The following COMMD5 variants were observed in gnomAD, a reference collection of about 807,000 sequenced individuals.
The protein encoded by COMMD5 is COMM domain containing 5.
COMMD5 carries 10 observed loss-of-function variants against 6.9 expected under a neutral mutation model. The observed-to-expected ratio is 1.44, with a 90% CI of 0.89 to 2.45. The LOEUF is 2.45. COMMD5 is among the 30% of genes most tolerant of loss of function. COMMD5 has a pLI of 0.00. For missense variants in COMMD5, 234 were observed against 287.8 expected, an observed-to-expected ratio of 0.81 and a Z score of 1.35; for synonymous variants, 127 against 125.3, an observed-to-expected ratio of 1.01 and a Z score of -0.09.
At chr8:144,845,380 C>T (rs1830455560), downstream of COMMD5, among the ~76,000 whole-genome samples, 2 of 151,898 alleles carry the variant, frequency 1.3e-5, no homozygotes, top group Admixed American at 1.3e-4. Context: ...CATTACCTCA[C>T]CCCTCAGTTT....
At chr8:144,846,395 G>A (rs964774115), downstream of COMMD5, 3 of 549,082 alleles carry the variant, frequency 5.5e-6, no homozygotes, top group East Asian at 3.0e-5. Context: ...TGAAAACTAT[G>A]TTAAAATCGA....
downstream of COMMD5, chr8:144,846,444 C>CA: frequency 2.8e-6 from 1 of 360,466 alleles, no homozygotes; most frequent in Non-Finnish European, 5.1e-6. Flanking sequence ...TGGTGATGCC[C>CA]AAGCGTCTTC....
downstream of COMMD5, chr8:144,846,165 TATGG>T (rs1830502534): frequency 6.5e-7 from 1 of 1,535,994 alleles, no homozygotes; most frequent in Admixed American, 2.0e-5. Context: ...ACGTCAGCCA[TATGG>T]ATGGTCTGAA....
At chr8:144,846,021 C>A, downstream of COMMD5, 1 of 1,536,588 alleles carries the variant, frequency 6.5e-7, no homozygotes, top group Non-Finnish European at 8.7e-7. Context: ...CCAAGGCACC[C>A]ACATGCACCG....
At chr8:144,852,403 A>G (rs1031076956) in intron 1 of COMMD5, 1 of 152,300 alleles carries the variant, frequency 6.6e-6, no homozygotes, top group African/African-American at 2.4e-5. Context: ...GCAGCAGCAC[A>G]AGCACCTGCT....
downstream of COMMD5, among the ~76,000 whole-genome samples, chr8:144,848,887 C>T (rs1830622361): frequency 6.6e-6 from 1 of 152,204 alleles, no homozygotes; most frequent in South Asian, 2.1e-4. Context: ...ATGGCCCACT[C>T]CCCTGCCTGT....
At chr8:144,843,319 G>A (rs968453011) in intron 1 of COMMD5, 11 of 1,029,222 alleles carry the variant, frequency 1.1e-5, no homozygotes, top group Admixed American at 3.0e-5. Flanking sequence ...GCCGAGTGTG[G>A]TGGCTTATGC....
rs548907456 is a variant in COMMD5, at chr8:144,843,454, G to T, written c.*117-1711C>A. On this transcript the variant is annotated intron_variant and NMD_transcript_variant, in intron 1 of 1. Coordinates refer to the COMMD5 transcript ENST00000530332. ...ATACAAAAATTTAGCTGGGCGTGGT[G>T]GCAGGCACCTGTGGTCCCAGCTGCT... The T allele has an allele frequency of 3.6e-5, 9 of 249,594 alleles. No homozygotes were observed. In the East Asian group the frequency reaches 6.1e-4, roughly 17 times the overall value. The allele number at this position is 249,594 out of a possible 1,614,324, so 15.5% of individuals were successfully genotyped here.
intron 1 of COMMD5, among the ~76,000 whole-genome samples, chr8:144,844,724 A>T (rs1465488115): frequency 1.6e-5 from 1 of 60,872 alleles, no homozygotes; most frequent in Admixed American, 1.3e-4. Flanking sequence ...AAAAAAAAAA[A>T]AAAAAAAAAA....
rs185816182 is a variant in COMMD5, at chr8:144,850,775, G to A, written c.564C>T (p.Tyr188=). 1.9e-5 allele frequency: 31 copies of A among 1,614,150 alleles called. No homozygotes were observed. The East Asian group carries it at 5.3e-4, about 28-fold the overall frequency. The change falls in exon 2 of 2, where the codon TAC becomes TAT. Residue 188 remains tyrosine, a synonymous_variant. Coordinates refer to ENST00000305103, the MANE Select transcript of COMMD5 (RefSeq NM_014066.4). This position sits in a 1 kb window ranked among gnomAD's most constrained non-coding sequence, Gnocchi z 4.0. ...MQLKLSDGSA[Y]RFEVPTAKFQ... is the part of the protein sequence containing the mutation. ...ACTTGGCTGTGGGGACCTCAAAGCG[G>A]TATGCTGACCCATCTGAAAGCTTCA...
chr8:144,841,966 T>G (rs1829982280), intron 1 of COMMD5: 1 of 1,614,060 alleles, frequency 6.2e-7, no homozygotes, highest in African/African-American at 1.3e-5. Flanking sequence ...TGGAAAAGCC[T>G]TCCGCCTGAG....
exon 2 of COMMD5, chr8:144,841,168 TAAAA>T: frequency 1.6e-6 from 1 of 644,256 alleles, no homozygotes; most frequent in African/African-American, 1.8e-5. Flanking sequence ...GTGAACAAGG[TAAAA>T]AGTATGAAAC....
chr8:144,842,935 T>C, intron 1 of COMMD5: 4 of 1,614,192 alleles, frequency 2.5e-6, no homozygotes, highest in Non-Finnish European at 3.4e-6. Flanking sequence ...CCAGTGGTTT[T>C]ACGAATATGG....
downstream of COMMD5, among the ~76,000 whole-genome samples, chr8:144,847,741 C>T (rs541793794): frequency 6.6e-6 from 1 of 152,178 alleles, no homozygotes; most frequent in Admixed American, 6.5e-5. Flanking sequence ...GCTTTGAGCT[C>T]AGGACAGTGC....
intron 1 of COMMD5, among the ~76,000 whole-genome samples, chr8:144,844,393 G>T (rs1381038817): frequency 6.6e-6 from 1 of 152,118 alleles, no homozygotes; most frequent in Non-Finnish European, 1.5e-5. Context: ...ACGCGGTGAG[G>T]AGGAAATAAA....
chr8:144,852,203 A>G (rs1830778519), intron 1 of COMMD5, among the ~76,000 whole-genome samples: 1 of 152,036 alleles, frequency 6.6e-6, no homozygotes, highest in Non-Finnish European at 1.5e-5. Flanking sequence ...GAAGAAAAGA[A>G]AAGTAAAAAG....
At chr8:144,848,774 A>G (rs1161636568), downstream of COMMD5, among the ~76,000 whole-genome samples, 1 of 152,024 alleles carries the variant, frequency 6.6e-6, no homozygotes, top group Non-Finnish European at 1.5e-5. Context: ...CAGTGGAATG[A>G]CCAAAATCCT....
At chr8:144,844,348 G>A (rs1278991826) in intron 1 of COMMD5, among the ~76,000 whole-genome samples, 1 of 152,130 alleles carries the variant, frequency 6.6e-6, no homozygotes, top group Non-Finnish European at 1.5e-5. Flanking sequence ...GTCTTGTACT[G>A]GCCTAGTTGC....
downstream of COMMD5, chr8:144,838,681 G>GCCGGC (rs1237528744): frequency 6.5e-6 from 1 of 152,842 alleles, no homozygotes; most frequent in Non-Finnish European, 1.5e-5. Context: ...GGTGGCTCAC[G>GCCGGC]CCGGCCATTC....
Sources: allele counts gnomAD v4.1 joint callset (sites outside exome capture counted in the v4.1 genomes callset), GRCh38; gene constraint gnomAD v4.1.1; non-coding constraint Gnocchi (gnomAD v3.1); transcripts MANE v1.5; gene names NCBI Gene and HGNC (gene_info 2026-07-23, HGNC 2026-07-21).